ATM: variants seen among roughly 807,000 people sequenced by gnomAD.
The protein encoded by ATM is ATM serine/threonine kinase, also known as serine-protein kinase ATM.
Under a neutral mutation model 387.0 loss-of-function variants are expected in ATM, and 308 were observed. The observed-to-expected ratio is 0.80, with a 90% CI of 0.73 to 0.87. The LOEUF (loss-of-function observed/expected upper bound fraction) is 0.87. Among genes scored for constraint, ATM ranks in the 40% least tolerant of loss-of-function variants. The pLI, the probability that ATM is intolerant of heterozygous loss-of-function variation, is 0.00. For synonymous variants in ATM, 1,156 were observed against 1,187.3 expected, an observed-to-expected ratio of 0.97 and a Z score of 0.54; for missense variants, 3,312 against 3,560.9, an observed-to-expected ratio of 0.93 and a Z score of 1.78.
At position 108,229,243 on chromosome 11, in the gene ATM, C is replaced by T. The variant is rs587781937; in HGVS notation, c.251C>T (p.Ala84Val). The T allele has an allele frequency of 1.2e-6, 2 of 1,613,562 alleles. No homozygotes were observed. The highest frequency in any genetic ancestry group is 4.5e-5 in the East Asian group (2 of 44,828). Residue 84 changes from alanine to valine, a missense_variant, in exon 4 of 63, where the codon GCC (alanine) becomes GTC (valine). Physicochemically the swap from Ala to Val is moderately conservative, Grantham distance 64 (BLOSUM62 0). This residue lies in a region of ATM where 1,791 missense variants were observed against 1,804.5 expected (regional missense o/e 0.99). Transcript: ENST00000675843. ...CLRIAKPNVS[A>V]STQASRQKKM... ...AGAATAGCAAAACCAAATGTATCAGCCTCAACACAAGCCTCCAGGCAGAAA... is the reference window on the plus strand; with the variant it reads ...AGAATAGCAAAACCAAATGTATCAGTCTCAACACAAGCCTCCAGGCAGAAA...
chr11:108,332,791 A>G lies in ATM; in HGVS notation c.7818A>G (p.Ile2606Met), dbSNP rs1027959208. The G allele has an allele frequency of 1.9e-6, 3 of 1,613,350 alleles. No individual in the cohort carries two copies. The stretch of plus-strand genomic sequence containing the variant: ...GAACAGAGGCTGCAAATAGAATAAT[A>G]TGTACTATCAGAAGTAGGAGACCTC... ...EDRTEAANRIICTIRSRRPQM... is the reference protein window; with the variant it reads ...EDRTEAANRIMCTIRSRRPQM... The change falls in exon 53 of 63, where the codon ATA becomes ATG. Residue 2606 changes from isoleucine to methionine, a missense_variant. Transcript: ENST00000675843.
At position 108,263,858 on chromosome 11, in the gene ATM, C is replaced by T. The variant is rs1238749587; in HGVS notation, c.2467-3313C>T. Reference sequence around the variant, plus strand: ...TCAGAGAATACTACAAACACCTCTACGCAAATAAACTAGAAAATCTAGAAG... The same window carrying T: ...TCAGAGAATACTACAAACACCTCTATGCAAATAAACTAGAAAATCTAGAAG... On this transcript the variant is annotated intron_variant, in intron 16 of 62. Transcript: ENST00000675843. 8.4e-3 allele frequency among the ~76,000 whole-genome samples: 1,271 copies of T among 150,500 alleles called. 16 individuals carry two copies. Among genetic ancestry groups the T allele is most frequent in the African/African-American group, 0.029 (1,178 of 40,554 alleles).
chr11:108,270,540 G>T (rs1025009754), intron 18 of ATM, among the ~76,000 whole-genome samples: 10 of 151,998 alleles, frequency 6.6e-5, no homozygotes, highest in African/African-American at 2.4e-4. Context: ...ATGACATAAG[G>T]CAAGTTTTTT....
rs762001297 is a variant in ATM, at chr11:108,315,836, A to C, written c.6020A>C (p.Glu2007Ala). 1.9e-6 allele frequency: 3 copies of C among 1,612,044 alleles called. No individual in the cohort carries two copies. The African/African-American group carries it at 4.0e-5, about 22-fold the overall frequency. The stretch of plus-strand genomic sequence containing the variant: ...CCATGTTTTCAGGATCTTCTCTTAG[A>C]AATCTACAGAAGTATAGGGGAGCCA... ...TGISLQDLLL[E>A]IYRSIGEPDS... is the part of the protein sequence containing the mutation. The change falls in exon 41 of 63, where the codon GAA (glutamate) becomes GCA (alanine). Residue 2007 changes from glutamate to alanine, a missense_variant. Glu to Ala is a moderately radical substitution (Grantham distance 107, BLOSUM62 -1). Around this residue, in one of 4 missense-constraint regions of ATM, gnomAD observed 1,405 missense variants for 1,604.4 expected, o/e 0.88. Coordinates refer to ENST00000675843, the MANE Select transcript of ATM (RefSeq NM_000051.4).
intron 28 of ATM, 26 bp from the exon 29 acceptor site, chr11:108,289,576 T>G (rs934192962): frequency 1.3e-6 from 2 of 1,571,806 alleles, no homozygotes; most frequent in Admixed American, 3.6e-5. Flanking sequence ...TTAAACAAGT[T>G]TTTACTAAAT....
intron 26 of ATM, among the ~76,000 whole-genome samples, chr11:108,284,910 TG>T (rs2082413801): frequency 6.6e-6 from 1 of 152,190 alleles, no homozygotes; most frequent in Non-Finnish European, 1.5e-5. Context: ...TTTGTTTTTT[TG>T]TGACACTTAT....
chr11:108,347,927 T>C (rs2088654689), intron 59 of ATM, among the ~76,000 whole-genome samples: 1 of 152,144 alleles, frequency 6.6e-6, no homozygotes, highest in Non-Finnish European at 1.5e-5. Flanking sequence ...AATTAAGGGA[T>C]ATTGTAATAG....
intron 49 of ATM, among the ~76,000 whole-genome samples, chr11:108,329,989 A>C (rs1299339584): frequency 6.6e-6 from 1 of 152,208 alleles, no homozygotes; most frequent in African/African-American, 2.4e-5. Flanking sequence ...AAGTTAGCTA[A>C]ATAGCTTGGG....
intron 23 of ATM, among the ~76,000 whole-genome samples, chr11:108,280,091 C>T (rs1019809320): frequency 3.4e-4 from 51 of 151,590 alleles, no homozygotes; most frequent in African/African-American, 1.2e-3. Context: ...TTATTTATGC[C>T]CTGGTTTGTT....
At chr11:108,353,212 G>T (rs752737346) in intron 59 of ATM, among the ~76,000 whole-genome samples, 1 of 151,674 alleles carries the variant, frequency 6.6e-6, no homozygotes, top group Admixed American at 6.6e-5. Context: ...GCAATGGCAC[G>T]ATCTCAGCTC....
At chr11:108,270,572 G>C (rs1001112231) in intron 18 of ATM, among the ~76,000 whole-genome samples, 3 of 152,004 alleles carry the variant, frequency 2.0e-5, no homozygotes, top group African/African-American at 7.3e-5. Context: ...TAAGGCTGTG[G>C]TACTGGGATT....
intron 49 of ATM, among the ~76,000 whole-genome samples, chr11:108,329,605 TTTGCCATG>T (rs988957211): frequency 4.6e-5 from 7 of 152,088 alleles, no homozygotes; most frequent in Admixed American, 4.6e-4. Flanking sequence ...GAGATGGGGT[TTTGCCATG>T]TTGCCCAGGT....
chr11:108,232,292 G>A (rs1399312952), intron 4 of ATM, among the ~76,000 whole-genome samples: 2 of 151,778 alleles, frequency 1.3e-5, no homozygotes, highest in African/African-American at 4.8e-5. Context: ...TTTAATATTG[G>A]GGCAAAACCA....
chr11:108,240,515 G>A (rs1294288144), intron 5 of ATM, among the ~76,000 whole-genome samples: 2 of 152,130 alleles, frequency 1.3e-5, no homozygotes, highest in Non-Finnish European at 1.5e-5. Flanking sequence ...ATAACACTAC[G>A]CACCTAAGCT....
rs786203272 is a variant in ATM, at chr11:108,345,797, C to CAA, written c.8476_8477dup (p.Asn2826LysfsTer32). The CAA allele has an allele frequency of 3.1e-6, 5 of 1,613,622 alleles. No individual in the cohort carries two copies. Among genetic ancestry groups the CAA allele is most frequent in the Non-Finnish European group, 4.2e-6 (5 of 1,179,750 alleles). On this transcript the variant is annotated frameshift_variant, in exon 58 of 63. Coordinates refer to ENST00000675843, the MANE Select transcript of ATM (RefSeq NM_000051.4). LOFTEE classifies it high-confidence loss of function. ...ATATGAAGTCTTCATGGATGTTTGC[C>CAA]AAAATTTTCAACCAGTTTTCCGTTA...
rs2135325236 is a variant in ATM, at chr11:108,250,977, C to T, written c.1512C>T (p.Asn504=). The part of the protein sequence containing the change: ...GISSEQIQAE[N]FGLLGAIIQG... ...GTTCTGAGCAAATACAAGCTGAAAACTTTGGCTTACTTGGAGCCATAATTC... is the reference window on the plus strand; with the variant it reads ...GTTCTGAGCAAATACAAGCTGAAAATTTTGGCTTACTTGGAGCCATAATTC... The change falls in exon 10 of 63, where the codon AAC becomes AAT. Residue 504 remains asparagine, a synonymous_variant. Transcript: ENST00000675843. 1 of 1,614,078 alleles carries T rather than the reference C, an allele frequency of 6.2e-7. No individual in the cohort carries two copies. Among genetic ancestry groups the T allele is most frequent in the Non-Finnish European group, 8.5e-7 (1 of 1,179,994 alleles).
At chr11:108,311,350 G>T (rs1565491916) in intron 39 of ATM, among the ~76,000 whole-genome samples, 5 of 152,200 alleles carry the variant, frequency 3.3e-5, no homozygotes, top group Admixed American at 3.3e-4. Context: ...TCGGTAGGAA[G>T]CCTTATATTT....
chr11:108,227,597 A>G lies in ATM; in HGVS notation c.-28A>G. The G allele has an allele frequency of 3.1e-6, 5 of 1,599,570 alleles. No individual in the cohort carries two copies. The highest frequency in any genetic ancestry group is 1.1e-5 in the South Asian group (1 of 90,700). Reference sequence around the variant, plus strand: ...ACCTATATGTATTTTTTTTACAGACAGTGATGTGTGTTCTGAAATTGTGAA... The same window carrying G: ...ACCTATATGTATTTTTTTTACAGACGGTGATGTGTGTTCTGAAATTGTGAA... On this transcript the variant is annotated splice_region_variant and 5_prime_UTR_variant, in exon 2 of 63. Coordinates refer to ENST00000675843, the MANE Select transcript of ATM (RefSeq NM_000051.4).
intron 26 of ATM, among the ~76,000 whole-genome samples, chr11:108,285,871 C>G (rs1262370755): frequency 6.6e-6 from 1 of 152,170 alleles, no homozygotes; most frequent in South Asian, 2.1e-4. Context: ...CTTAATCTTA[C>G]TATTCTTTTC....
Sources: allele counts gnomAD v4.1 joint callset (sites outside exome capture counted in the v4.1 genomes callset), GRCh38; gene constraint gnomAD v4.1.1; regional missense constraint gnomAD v4.1.1; transcripts MANE v1.5; gene names NCBI Gene and HGNC (gene_info 2026-07-23, HGNC 2026-07-21).